HMCN1: variants seen among roughly 807,000 people sequenced by gnomAD.
HMCN1 encodes the protein hemicentin 1, also known as hemicentin-1.
HMCN1 carries 321 observed loss-of-function variants against 625.9 expected under a neutral mutation model. That is an observed-to-expected ratio of 0.51 (90% CI 0.47 to 0.56). The LOEUF (loss-of-function observed/expected upper bound fraction) is 0.56. HMCN1 is among the 20% of genes least tolerant of loss of function. HMCN1 has a pLI of 0.00. For missense variants in HMCN1, 6,588 were observed against 6,887.3 expected (o/e 0.96, Z 1.54); for synonymous variants, 2,425 against 2,417.6 (o/e 1.00, Z -0.09).
Position 186,088,192 on chromosome 1 carries a change from A to G in HMCN1, c.9493A>G (p.Ile3165Val). ...TGAAAGAGAAGTGATTGTGGAGACG[A>G]TCAGCAATCCTGTGACATTAACATG... is the stretch of plus-strand genomic sequence containing the variant. The part of the protein sequence containing the change: ...GPEREVIVET[I>V]SNPVTLTCDA... The change falls in exon 62 of 107, where the codon ATC becomes GTC. Residue 3165 changes from isoleucine (I) to valine (V), a missense_variant. By Grantham distance (29) the Ile-to-Val change is conservative. Transcript: ENST00000271588. 1 of 1,612,572 alleles carries G rather than the reference A, an allele frequency of 6.2e-7. No individual in the cohort carries two copies. The highest frequency in any genetic ancestry group is 2.2e-5 in the East Asian group (1 of 44,786).
At position 186,130,033 on chromosome 1, in the gene HMCN1, T is replaced by G; in HGVS notation, c.12972T>G (p.Gly4324=). 1 of 1,613,336 alleles carries G rather than the reference T, an allele frequency of 6.2e-7. No individual in the cohort carries two copies. The highest frequency in any genetic ancestry group is 8.5e-7 in the Non-Finnish European group (1 of 1,179,476). ...AAAGAGTGTCAAAAGAGGATTCAGG[T>G]ACTTATGTGTGCACCGCAGAGAACA... is the stretch of plus-strand genomic sequence containing the variant. ...VIERVSKEDS[G]TYVCTAENSV... Residue 4324 remains glycine, a synonymous_variant, in exon 84 of 107, where the codon GGT becomes GGG. Coordinates refer to ENST00000271588, the MANE Select transcript of HMCN1 (RefSeq NM_031935.3).
chr1:185,818,371 T>C (rs1659972353), intron 1 of HMCN1, among the ~76,000 whole-genome samples: 1 of 152,208 alleles, frequency 6.6e-6, no homozygotes, highest in African/African-American at 2.4e-5. Flanking sequence ...TTTTCCTAAA[T>C]GGCATGGATG....
At chr1:186,065,484 A>G in intron 49 of HMCN1, 55 bp downstream of exon 49, 1 of 1,358,092 alleles carries the variant, frequency 7.4e-7, no homozygotes, top group Non-Finnish European at 9.9e-7. Flanking sequence ...TGTAGGCTAA[A>G]TTTTCTTTTC....
chr1:186,069,851 G>A (rs2102340366), intron 51 of HMCN1, 75 bp downstream of exon 51: 1 of 905,424 alleles, frequency 1.1e-6, no homozygotes, highest in South Asian at 1.4e-5. Flanking sequence ...TTTTCATTAT[G>A]GGTTCATAAT....
At chr1:185,788,383 T>C (rs1657767380) in intron 1 of HMCN1, among the ~76,000 whole-genome samples, 1 of 152,244 alleles carries the variant, frequency 6.6e-6, no homozygotes, top group Non-Finnish European at 1.5e-5. Flanking sequence ...TACATTAGAA[T>C]ACATTATAGT....
At chr1:185,780,282 G>A (rs1198737278) in intron 1 of HMCN1, among the ~76,000 whole-genome samples, 4 of 152,188 alleles carry the variant, frequency 2.6e-5, no homozygotes, top group Non-Finnish European at 4.4e-5. Flanking sequence ...ATACAATCAT[G>A]TCATCTGCAA....
Position 186,037,929 on chromosome 1 carries a change from T to G in HMCN1, c.5750-5T>G. ...GAAATAATTATCTGTTTGGGCCTCTTGTAGAACCACCTAGTCTGGAAGATG... is the reference window on the plus strand; with the variant it reads ...GAAATAATTATCTGTTTGGGCCTCTGGTAGAACCACCTAGTCTGGAAGATG... On this transcript the variant is annotated splice_region_variant and splice_polypyrimidine_tract_variant and intron_variant, in intron 36 of 106. Coordinates refer to ENST00000271588, the MANE Select transcript of HMCN1 (RefSeq NM_031935.3). 1 of 1,574,404 alleles carries G rather than the reference T, an allele frequency of 6.4e-7. No homozygotes were observed. The highest frequency in any genetic ancestry group is 1.1e-5 in the South Asian group (1 of 90,310).
At chr1:186,128,960 T>TC (rs1661785633) in intron 83 of HMCN1, among the ~76,000 whole-genome samples, 1 of 45,882 alleles carries the variant, frequency 2.2e-5, no homozygotes, top group East Asian at 1.2e-3. Context: ...AGCTTGAGAG[T>TC]TTTTTTCTAT....
chr1:185,793,015 C>T (rs1173496372), intron 1 of HMCN1, among the ~76,000 whole-genome samples: 1 of 152,122 alleles, frequency 6.6e-6, no homozygotes, highest in Non-Finnish European at 1.5e-5. Flanking sequence ...ATTGGAAAAA[C>T]AACTTGTAGA....
intron 1 of HMCN1, among the ~76,000 whole-genome samples, chr1:185,735,998 G>A (rs902779039): frequency 8.5e-5 from 13 of 152,250 alleles, no homozygotes; most frequent in African/African-American, 3.1e-4. Flanking sequence ...TCCTGCTTTT[G>A]AAATTCTCCC....
intron 1 of HMCN1, among the ~76,000 whole-genome samples, chr1:185,759,664 C>A (rs1655359974): frequency 6.6e-6 from 1 of 151,964 alleles, no homozygotes; most frequent in African/African-American, 2.4e-5. Context: ...ATCTTTCTAT[C>A]CCTATCCTTT....
At chr1:185,879,745 G>C (rs1430399856) in intron 4 of HMCN1, among the ~76,000 whole-genome samples, 1 of 152,170 alleles carries the variant, frequency 6.6e-6, no homozygotes, top group Non-Finnish European at 1.5e-5. Flanking sequence ...AAACCCAGTT[G>C]ATGGCAAGTT....
intron 93 of HMCN1, among the ~76,000 whole-genome samples, chr1:186,146,279 T>C (rs993875553): frequency 6.6e-6 from 1 of 152,170 alleles, no homozygotes; most frequent in African/African-American, 2.4e-5. Flanking sequence ...TGGATGGGAA[T>C]TTGAATGACA....
rs552695320 is a variant in HMCN1, at chr1:185,785,056, C to T, written c.268+50009C>T. On this transcript the variant is annotated intron_variant, in intron 1 of 106. Transcript: ENST00000271588. ...ATTAATATTCCATTGTATAAATATACCATAGCTTGTTTATCTATCTTCATG... is the reference window on the plus strand; with the variant it reads ...ATTAATATTCCATTGTATAAATATATCATAGCTTGTTTATCTATCTTCATG... 2.0e-5 allele frequency among the ~76,000 whole-genome samples: 3 copies of T among 151,630 alleles called. No homozygotes were observed. The East Asian group carries it at 5.8e-4, about 29-fold the overall frequency.
At chr1:186,056,254 A>G (rs1239036624) in intron 45 of HMCN1, among the ~76,000 whole-genome samples, 1 of 152,016 alleles carries the variant, frequency 6.6e-6, no homozygotes, top group African/African-American at 2.4e-5. Flanking sequence ...TAAGACATGC[A>G]TGAAGCTCAG....
intron 11 of HMCN1, among the ~76,000 whole-genome samples, chr1:185,953,776 G>A (rs1413608694): frequency 2.6e-5 from 4 of 151,614 alleles, no homozygotes; most frequent in East Asian, 3.9e-4. Context: ...ATGCGCATCC[G>A]TGTGAAGAGA....
chr1:186,021,156 T>A (rs1424885001), intron 35 of HMCN1, among the ~76,000 whole-genome samples: 1 of 152,060 alleles, frequency 6.6e-6, no homozygotes, highest in Non-Finnish European at 1.5e-5. Flanking sequence ...ATTGGTGAGG[T>A]ATTTATTAGT....
chr1:185,805,239 G>A (rs537004503), intron 1 of HMCN1, among the ~76,000 whole-genome samples: 7 of 152,220 alleles, frequency 4.6e-5, no homozygotes, highest in African/African-American at 1.7e-4. Context: ...ACAGTTATAA[G>A]TACAGTAGAA....
chr1:186,028,567 G>T (rs1184262377), intron 36 of HMCN1, among the ~76,000 whole-genome samples: 1 of 151,930 alleles, frequency 6.6e-6, no homozygotes, highest in Non-Finnish European at 1.5e-5. Context: ...TAATTATTTG[G>T]CAAACAATCC....
Sources: gnomAD v4.1 joint callset for allele counts (sites outside exome capture counted in the v4.1 genomes callset) on GRCh38, gnomAD v4.1.1 for gene constraint, MANE v1.5 for transcripts, NCBI Gene and HGNC (gene_info 2026-07-23, HGNC 2026-07-21) for gene names.